LBP: variants seen among roughly 807,000 people sequenced by gnomAD.
LBP encodes the protein lipopolysaccharide binding protein.
LBP carries 53 observed loss-of-function variants against 56.6 expected under a neutral mutation model. The ratio of observed to expected loss-of-function variants is 0.94; its 90% confidence interval spans 0.75 to 1.18. The LOEUF is 1.18. Among genes scored for constraint, LBP ranks in the 50% most tolerant of loss-of-function variants. LBP has a pLI of 0.00. For missense variants in LBP, 601 were observed against 598.3 expected, an observed-to-expected ratio of 1.00 and a Z score of -0.05; for synonymous variants, 227 against 247.5, an observed-to-expected ratio of 0.92 and a Z score of 0.78.
At chr20:38,363,167 C>A (rs1568832281) in intron 6 of LBP, among the ~76,000 whole-genome samples, 1 of 152,126 alleles carries the variant, frequency 6.6e-6, no homozygotes, top group African/African-American at 2.4e-5. Flanking sequence ...GGTCGCATGT[C>A]TTTGGGTATA....
chr20:38,346,576 C>T lies in LBP; in HGVS notation c.60C>T (p.Thr20=), dbSNP rs752199133. 9.9e-6 allele frequency: 16 copies of T among 1,613,708 alleles called. No individual in the cohort carries two copies. Among genetic ancestry groups the T allele is most frequent in the African/African-American group, 1.3e-5 (1 of 74,934 alleles). The part of the protein sequence containing the change: ...SILLALLLTS[T]PEALGANPGL... ...TGCTGGCATTGCTGCTTACGTCCAC[C>T]CCAGAGGCTCTGGGTGCCAACCCCG... is the stretch of plus-strand genomic sequence containing the variant. Residue 20 remains threonine (T), a synonymous_variant, in exon 1 of 15, where the codon ACC becomes ACT. Coordinates refer to ENST00000217407, the MANE Select transcript of LBP (RefSeq NM_004139.5).
chr20:38,369,334 C>G (rs919892470), intron 10 of LBP, among the ~76,000 whole-genome samples, 172 bp downstream of exon 10: 10 of 152,168 alleles, frequency 6.6e-5, no homozygotes, highest in Admixed American at 2.0e-4. Context: ...ATCTACCTTA[C>G]GCCCCTTGCC....
chr20:38,369,238 C>A, intron 10 of LBP, 76 bp downstream of exon 10: 1 of 1,396,952 alleles, frequency 7.2e-7, no homozygotes, highest in Non-Finnish European at 9.8e-7. Context: ...TGCTTTTCTC[C>A]CCACTCACCA....
chr20:38,356,068 C>G (rs1256609320), intron 5 of LBP, among the ~76,000 whole-genome samples: 1 of 145,402 alleles, frequency 6.9e-6, no homozygotes, highest in Admixed American at 6.9e-5. Flanking sequence ...AACACACACA[C>G]AAACACACAC....
chr20:38,364,000 C>A lies in LBP; in HGVS notation c.678C>A (p.Ala226=), dbSNP rs367641797. ...TTACAACAGAGATTGACAGTTTCGC[C>A]GACATTGATTATAGCTTAGTGGAAG... is the stretch of plus-strand genomic sequence containing the variant. ...LPVTTEIDSF[A]DIDYSLVEAP... Residue 226 remains alanine, a synonymous_variant, in exon 7 of 15, where the codon GCC becomes GCA. Coordinates refer to ENST00000217407, the MANE Select transcript of LBP (RefSeq NM_004139.5). 4 of 1,613,776 alleles carry A rather than the reference C, an allele frequency of 2.5e-6. No homozygotes were observed. Among genetic ancestry groups the A allele is most frequent in the Non-Finnish European group, 2.5e-6 (3 of 1,179,730 alleles).
chr20:38,355,274 G>T lies in LBP; in HGVS notation c.525-72G>T, dbSNP rs11536948. On this transcript the variant is annotated intron_variant, in intron 4 of 14. Coordinates refer to ENST00000217407, the MANE Select transcript of LBP (RefSeq NM_004139.5). ...TCCCTTTGTGGACTGGCCTGACCAG[G>T]GACCAGGGCCTGGCTTTCCCAGGCA... The T allele has an allele frequency of 3.9e-4, 541 of 1,399,462 alleles. 5 individuals carry two copies. In the African/African-American group the frequency reaches 6.4e-3, roughly 17 times the overall value. The allele number at this position is 1,399,462 out of a possible 1,614,324, so 86.7% of individuals were successfully genotyped here. A position where few individuals can be genotyped will look rare whatever the true frequency, so the allele number is the denominator to read the frequency against.
rs779824662 is a variant in LBP, at chr20:38,373,128, G to C, written c.1317G>C (p.Lys439Asn). 4 of 1,613,136 alleles carry C rather than the reference G, an allele frequency of 2.5e-6. No individual in the cohort carries two copies. The change falls in exon 13 of 15, where the codon AAG becomes AAC. Residue 439 changes from lysine to asparagine, a missense_variant. By Grantham distance (94) the Lys-to-Asn change is moderately conservative. Coordinates refer to ENST00000217407, the MANE Select transcript of LBP (RefSeq NM_004139.5). The part of the protein sequence containing the change: ...NYYILNTFYP[K>N]FNDKLAEGFP... ...ACATCCTTAACACCTTCTACCCCAAGTTCAATGGTAAGAATCACTGTGGAT... is the reference window on the plus strand; with the variant it reads ...ACATCCTTAACACCTTCTACCCCAACTTCAATGGTAAGAATCACTGTGGAT...
chr20:38,374,713 G>A (rs2076912064), intron 14 of LBP, among the ~76,000 whole-genome samples: 1 of 151,230 alleles, frequency 6.6e-6, no homozygotes, highest in South Asian at 2.1e-4. Flanking sequence ...AAATTTTAAG[G>A]TTGAAGAGCT....
In LBP at chr20:38,354,332, G is replaced by T. The variant is rs927682341; in HGVS notation, c.417G>T (p.Ser139=). 1 of 1,613,722 alleles carries T rather than the reference G, an allele frequency of 6.2e-7. No homozygotes were observed. Among genetic ancestry groups the T allele is most frequent in the South Asian group, 1.1e-5 (1 of 91,048 alleles). ...TCAGTGTCAAGGGCATCAGCATTTCGGTCAACCTCCTGTTGGGCAGCGAGT... is the reference window on the plus strand; with the variant it reads ...TCAGTGTCAAGGGCATCAGCATTTCTGTCAACCTCCTGTTGGGCAGCGAGT... ...FDVSVKGISI[S]VNLLLGSESS... is the part of the protein sequence containing the mutation. Residue 139 remains serine (S), a synonymous_variant, in exon 4 of 15, where the codon TCG becomes TCT. Transcript: ENST00000217407.
intron 12 of LBP, 98 bp from the exon 13 acceptor site, chr20:38,372,974 C>T (rs2076905516): frequency 2.2e-6 from 2 of 904,968 alleles, no homozygotes; most frequent in Non-Finnish European, 3.7e-6. Flanking sequence ...TGATGTAATA[C>T]TAGTTTGCTT....
At chr20:38,374,128 C>G in intron 14 of LBP, 115 bp downstream of exon 14, 1 of 1,089,242 alleles carries the variant, frequency 9.2e-7, no homozygotes, top group East Asian at 2.4e-5. Flanking sequence ...CTGGGAAAGT[C>G]TGGCCAGGGG....
chr20:38,349,478 C>T, intron 1 of LBP, 70 bp from the exon 2 acceptor site: 1 of 1,176,724 alleles, frequency 8.5e-7, no homozygotes, highest in South Asian at 1.3e-5. Flanking sequence ...AGGTGGGAGC[C>T]ACCGTAGGGT....
chr20:38,366,302 C>T (rs1420328131), intron 8 of LBP, among the ~76,000 whole-genome samples: 3 of 152,178 alleles, frequency 2.0e-5, no homozygotes, highest in East Asian at 1.9e-4. Context: ...TACTGCGGCA[C>T]GGGCCTCTCT....
Position 38,373,059 on chromosome 20 carries a change from T to C in LBP, c.1261-13T>C. ...TGTGGCGATGTAAATATATCTCTCCTGTTCTCTTCCAGGCAGAGCTGTTGG... is the reference window on the plus strand; with the variant it reads ...TGTGGCGATGTAAATATATCTCTCCCGTTCTCTTCCAGGCAGAGCTGTTGG... On this transcript the variant is annotated splice_polypyrimidine_tract_variant and intron_variant, in intron 12 of 14. Transcript: ENST00000217407. The C allele has an allele frequency of 6.2e-7, 1 of 1,612,498 alleles. No individual in the cohort carries two copies. The highest frequency in any genetic ancestry group is 2.2e-5 in the East Asian group (1 of 44,880).
chr20:38,376,572 T>C (rs1160873040), intron 14 of LBP, 53 bp from the exon 15 acceptor site: 1 of 1,535,304 alleles, frequency 6.5e-7, no homozygotes, highest in Admixed American at 1.7e-5. Flanking sequence ...CAGATGCATC[T>C]TTTTGGAGTA....
rs767877186 is a variant in LBP at position 38,364,656 on chromosome 20, A to G, written c.825A>G (p.Lys275=). 2 of 1,613,946 alleles carry G rather than the reference A, an allele frequency of 1.2e-6. No homozygotes were observed. Among genetic ancestry groups the G allele is most frequent in the Non-Finnish European group, 1.7e-6 (2 of 1,179,986 alleles). Residue 275 remains lysine (K), a synonymous_variant, in exon 8 of 15, where the codon AAA becomes AAG. Coordinates refer to ENST00000217407, the MANE Select transcript of LBP (RefSeq NM_004139.5). The part of the protein sequence containing the change: ...AVMSLPEEHN[K]MVYFAISDYV... ...TGAGCCTTCCTGAGGAACACAACAAAATGGTCTACTTTGCCATCTCGGATT... is the reference window on the plus strand; with the variant it reads ...TGAGCCTTCCTGAGGAACACAACAAGATGGTCTACTTTGCCATCTCGGATT...
intron 7 of LBP, 28 bp downstream of exon 7, chr20:38,364,094 G>A (rs764107001): frequency 1.3e-6 from 2 of 1,503,906 alleles, no homozygotes; most frequent in Non-Finnish European, 1.9e-6. Context: ...GGGCTGCGTG[G>A]GTGAGGCTTT....
chr20:38,361,433 C>G (rs966276172), intron 6 of LBP, among the ~76,000 whole-genome samples: 2 of 151,986 alleles, frequency 1.3e-5, no homozygotes, highest in Non-Finnish European at 2.9e-5. Flanking sequence ...GAGATGGGGT[C>G]TCACTCTGTG....
chr20:38,349,144 T>C (rs566402241), intron 1 of LBP, among the ~76,000 whole-genome samples: 5 of 152,282 alleles, frequency 3.3e-5, no homozygotes, highest in South Asian at 2.1e-4. Context: ...TGAAGGTTGT[T>C]TGGGGACTTT....
Sources: allele counts gnomAD v4.1 joint callset (sites outside exome capture counted in the v4.1 genomes callset), GRCh38; gene constraint gnomAD v4.1.1; transcripts MANE v1.5; gene names NCBI Gene and HGNC (gene_info 2026-07-23, HGNC 2026-07-21).